Variants in KIAA0586 observed in about 807,000 individuals in gnomAD.
KIAA0586 encodes the protein KIAA0586, also known as protein TALPID3.
In KIAA0586, 144 loss-of-function variants were observed where a neutral mutation model predicts 169.8. That is an observed-to-expected ratio of 0.85 (90% confidence interval 0.74 to 0.97). The LOEUF is 0.97. Among genes scored for constraint, KIAA0586 ranks in the 50% least tolerant of loss-of-function variants. The pLI is 0.00. For missense variants in KIAA0586, 1,854 were observed against 1,823.0 expected (o/e 1.02, Z -0.31); for synonymous variants, 625 against 612.4 (o/e 1.02, Z -0.30).
At chr14:58,517,618 T>G (rs889392839) in intron 29 of KIAA0586, among the ~76,000 whole-genome samples, 1 of 152,226 alleles carries the variant, frequency 6.6e-6, no homozygotes, top group Admixed American at 6.5e-5. Context: ...GTCCATTTCC[T>G]ATGTATTCAT....
chr14:58,436,378 T>TA (rs1352859623), intron 4 of KIAA0586, among the ~76,000 whole-genome samples: 1 of 151,966 alleles, frequency 6.6e-6, no homozygotes, highest in Non-Finnish European at 1.5e-5. Flanking sequence ...GGAATACTCA[T>TA]AACCAGAAGT....
intron 21 of KIAA0586, among the ~76,000 whole-genome samples, chr14:58,484,902 A>ATTTATATATATATTTT (rs1269889812): frequency 0.23 from 2,883 of 12,502 alleles, 657 homozygotes; most frequent in South Asian, 0.33. Context: ...ATATATATAT[A>ATTTATATATATATTTT]TATATATATA....
At chr14:58,500,440 C>G (rs947857585) in intron 27 of KIAA0586, among the ~76,000 whole-genome samples, 4 of 152,146 alleles carry the variant, frequency 2.6e-5, no homozygotes, top group Non-Finnish European at 5.9e-5. Flanking sequence ...GATGCAGTGG[C>G]TCACGCCTGT....
chr14:58,450,524 A>T, intron 7 of KIAA0586, 55 bp from the exon 8 acceptor site: 2 of 1,052,330 alleles, frequency 1.9e-6, no homozygotes, highest in Non-Finnish European at 2.9e-6. Flanking sequence ...AATATGCTAT[A>T]ATTTTTAAAG....
At chr14:58,439,061 T>G (rs1049973252) in intron 4 of KIAA0586, among the ~76,000 whole-genome samples, 1 of 152,168 alleles carries the variant, frequency 6.6e-6, no homozygotes, top group African/African-American at 2.4e-5. Context: ...TGTGCCAAAC[T>G]GAGAGAAAAA....
chr14:58,508,405 A>C, intron 27 of KIAA0586, 150 bp from the exon 28 acceptor site: 3 of 588,416 alleles, frequency 5.1e-6, no homozygotes, highest in Non-Finnish European at 8.7e-6. Context: ...ATTGCAGTGA[A>C]GGCTTGGTCC....
chr14:58,496,081 G>A (rs2043141789), intron 26 of KIAA0586, among the ~76,000 whole-genome samples: 1 of 152,166 alleles, frequency 6.6e-6, no homozygotes, highest in Non-Finnish European at 1.5e-5. Flanking sequence ...TTAAAATATT[G>A]CTTTGCTAAG....
intron 21 of KIAA0586, among the ~76,000 whole-genome samples, chr14:58,484,701 T>A (rs995853060): frequency 2.0e-5 from 3 of 150,396 alleles, no homozygotes; most frequent in African/African-American, 7.3e-5. Context: ...CATAGTGTAC[T>A]TCTTTCATTT....
chr14:58,521,188 T>G, intron 29 of KIAA0586: 1 of 746,980 alleles, frequency 1.3e-6, no homozygotes, highest in Non-Finnish European at 2.2e-6. Flanking sequence ...TCAGCTACAT[T>G]TTTGGCTTTG....
chr14:58,447,983 C>T (rs559987029), intron 6 of KIAA0586, among the ~76,000 whole-genome samples: 74 of 152,260 alleles, frequency 4.9e-4, no homozygotes, highest in Non-Finnish European at 8.8e-4. Context: ...TTAAAATTCT[C>T]TGATTCAAGT....
At chr14:58,542,117 C>T (rs1364252863) in intron 30 of KIAA0586, among the ~76,000 whole-genome samples, 1 of 151,712 alleles carries the variant, frequency 6.6e-6, no homozygotes, top group Admixed American at 6.6e-5. Flanking sequence ...TTTAATGTTC[C>T]CAGTCTAAAG....
the KIAA0586 span, among the ~76,000 whole-genome samples, chr14:58,557,548 G>T: frequency 2.0e-5 from 3 of 152,188 alleles, no homozygotes; most frequent in African/African-American, 7.2e-5. Context: ...TGTAGGCAGG[G>T]AGAGTACATT....
At position 58,550,899 on chromosome 14, in the gene KIAA0586, TC is replaced by T. The variant is rs1171436988; in HGVS notation, c.*2969del. On this transcript the variant is annotated 3_prime_UTR_variant, in exon 31 of 31. Coordinates refer to ENST00000652326, the MANE Select transcript of KIAA0586 (RefSeq NM_001329943.3). ...ACACTAGGTAACGTGTTTAAAATGT[TC>T]CTTTCTGCTGGGTGCGGGTGGCTCA... 6.6e-6 allele frequency: 1 copy of T among 151,850 alleles called. No homozygotes were observed. The highest frequency in any genetic ancestry group is 1.5e-5 in the Non-Finnish European group (1 of 68,060). 9.4% of individuals were successfully genotyped at this position (151,850 alleles called of 1,614,324 possible).
At position 58,529,477 on chromosome 14, in the gene KIAA0586, A is replaced by G. The variant is rs149402185; in HGVS notation, c.4430-10594A>G. Among the ~76,000 whole-genome samples, 69 of 152,306 alleles carry G rather than the reference A, an allele frequency of 4.5e-4. No homozygotes were observed. In the East Asian group the frequency reaches 0.01, roughly 23 times the overall value. The stretch of plus-strand genomic sequence containing the variant: ...CCTCAATAAAATACTGGCAAACCGA[A>G]TCCAGCAGCACATGAAAAAGCTTAT... On this transcript the variant is annotated intron_variant, in intron 29 of 30. Coordinates refer to ENST00000652326, the MANE Select transcript of KIAA0586 (RefSeq NM_001329943.3).
intron 4 of KIAA0586, among the ~76,000 whole-genome samples, chr14:58,437,862 G>A (rs912593694): frequency 6.6e-6 from 1 of 152,114 alleles, no homozygotes; most frequent in African/African-American, 2.4e-5. Context: ...AAAGAGAGAT[G>A]GCTAGGGCTG....
At chr14:58,460,718 G>T (rs1291853483) in intron 13 of KIAA0586, among the ~76,000 whole-genome samples, 1 of 152,006 alleles carries the variant, frequency 6.6e-6, no homozygotes, top group Non-Finnish European at 1.5e-5. Context: ...TGTAAAATGT[G>T]TTTAAATGTT....
At chr14:58,507,501 A>G (rs898440724) in intron 27 of KIAA0586, among the ~76,000 whole-genome samples, 1 of 151,522 alleles carries the variant, frequency 6.6e-6, no homozygotes. Flanking sequence ...TGTGAAACAG[A>G]GAGCAGTGAC....
At chr14:58,477,286 G>C in intron 20 of KIAA0586, 45 bp downstream of exon 20, 1 of 1,000,640 alleles carries the variant, frequency 1.0e-6, no homozygotes, top group Non-Finnish European at 1.5e-6. Flanking sequence ...AAAGACAAAA[G>C]CTTTAGTTCA....
chr14:58,546,271 G>A (rs1440452565), intron 30 of KIAA0586, among the ~76,000 whole-genome samples: 4 of 152,002 alleles, frequency 2.6e-5, no homozygotes, highest in Non-Finnish European at 5.9e-5. Context: ...GTAACAAAAA[G>A]GAGTGATACA....
Sources: gnomAD v4.1 joint callset for allele counts (sites outside exome capture counted in the v4.1 genomes callset) on GRCh38, gnomAD v4.1.1 for gene constraint, MANE v1.5 for transcripts, NCBI Gene and HGNC (gene_info 2026-07-23, HGNC 2026-07-21) for gene names.